The following ZDHHC13 variants were observed in gnomAD, a reference collection of about 807,000 sequenced individuals.
ZDHHC13 encodes the protein palmitoyltransferase ZDHHC13.
Under a neutral mutation model 86.0 loss-of-function variants are expected in ZDHHC13, and 85 were observed. That is an observed-to-expected ratio of 0.99 (90% CI 0.83 to 1.18). The LOEUF (loss-of-function observed/expected upper bound fraction) is 1.18, where lower values mean the gene tolerates loss of function less well. Among genes scored for constraint, ZDHHC13 ranks in the 50% most tolerant of loss-of-function variants. ZDHHC13 has a pLI of 0.00. For missense variants in ZDHHC13, 711 were observed against 730.2 expected (o/e 0.97, Z 0.30); for synonymous variants, 263 against 246.4 (o/e 1.07, Z -0.63).
At chr11:19,147,786 T>A (rs1849508053) in intron 4 of ZDHHC13, 113 bp downstream of exon 4, 9 of 644,200 alleles carry the variant, frequency 1.4e-5, no homozygotes, top group Non-Finnish European at 1.9e-5. Context: ...CCCCCCCCTT[T>A]ATTTAAAAAT....
intron 1 of ZDHHC13, among the ~76,000 whole-genome samples, chr11:19,129,376 CT>C (rs1848942027): frequency 6.6e-6 from 1 of 152,094 alleles, no homozygotes; most frequent in Non-Finnish European, 1.5e-5. Flanking sequence ...GTGATGGTAG[CT>C]GTAGATTTCT....
At chr11:19,138,452 A>G (rs1849211316) in intron 1 of ZDHHC13, among the ~76,000 whole-genome samples, 1 of 150,726 alleles carries the variant, frequency 6.6e-6, no homozygotes, top group South Asian at 2.1e-4. Context: ...GTCCAGGACC[A>G]GATGGATTCA....
intron 14 of ZDHHC13, chr11:19,168,844 A>G (rs1850142575): frequency 4.1e-6 from 4 of 985,350 alleles, no homozygotes; most frequent in Non-Finnish European, 4.8e-6. Flanking sequence ...CAAGGTGGAT[A>G]GTAAGTGACT....
intron 14 of ZDHHC13, chr11:19,170,072 A>G: frequency 9.3e-7 from 1 of 1,077,114 alleles, no homozygotes; most frequent in Non-Finnish European, 1.1e-6. Context: ...TATAAACATG[A>G]ATAAGGTAGG....
chr11:19,133,942 T>TATATATATATATATATATACAC, intron 1 of ZDHHC13, among the ~76,000 whole-genome samples: 1,955 of 95,660 alleles, frequency 0.02, 145 homozygotes, highest in Non-Finnish European at 0.033. Context: ...TATATATATA[T>TATATATATATATATATATACAC]ACACGTATGT....
rs1025009796 is a variant in ZDHHC13 at position 19,117,174 on chromosome 11, G to T, written c.-76G>T. ...GCCAGCAGGAAGTGGGAGAAGAGGCGACCCAAGGCGGGCTGGCGGGCTGGC... is the reference window on the plus strand; with the variant it reads ...GCCAGCAGGAAGTGGGAGAAGAGGCTACCCAAGGCGGGCTGGCGGGCTGGC... On this transcript the variant is annotated 5_prime_UTR_variant, in exon 1 of 17. Transcript: ENST00000446113. This position sits in a 1 kb window ranked among gnomAD's most constrained non-coding sequence, Gnocchi z 4.2. The T allele has an allele frequency of 1.3e-6, 2 of 1,499,132 alleles. No homozygotes were observed. Among genetic ancestry groups the T allele is most frequent in the South Asian group, 2.4e-5 (2 of 82,946 alleles). 92.9% of individuals were successfully genotyped at this position (1,499,132 alleles called of 1,614,324 possible).
chr11:19,126,110 T>A (rs1192034041), intron 1 of ZDHHC13, among the ~76,000 whole-genome samples: 4 of 152,128 alleles, frequency 2.6e-5, no homozygotes, highest in Non-Finnish European at 5.9e-5. Context: ...AAACTGAAAA[T>A]TTTAAAACTT....
intron 1 of ZDHHC13, among the ~76,000 whole-genome samples, chr11:19,130,858 T>G (rs1319660103): frequency 6.6e-5 from 10 of 152,010 alleles, no homozygotes; most frequent in East Asian, 3.9e-4. Flanking sequence ...TTGTTTTTTT[T>G]TTTTTGAAAG....
At chr11:19,154,422 T>C (rs919468425) in intron 8 of ZDHHC13, among the ~76,000 whole-genome samples, 4 of 152,136 alleles carry the variant, frequency 2.6e-5, no homozygotes, top group African/African-American at 9.7e-5. Flanking sequence ...ATCATGCCAA[T>C]TGGAATAGGA....
At chr11:19,135,474 C>T (rs576234557) in intron 1 of ZDHHC13, among the ~76,000 whole-genome samples, 10 of 152,362 alleles carry the variant, frequency 6.6e-5, no homozygotes, top group Middle Eastern at 3.4e-3. Flanking sequence ...GATCAAACTG[C>T]AAGGCGGCAG....
At chr11:19,171,374 C>A (rs1850216384) in intron 15 of ZDHHC13, among the ~76,000 whole-genome samples, 1 of 151,910 alleles carries the variant, frequency 6.6e-6, no homozygotes, top group Admixed American at 6.6e-5. Context: ...GAGCATTACT[C>A]AACCAAAGCA....
At chr11:19,158,619 A>G (rs554884772) in intron 9 of ZDHHC13, among the ~76,000 whole-genome samples, 1 of 152,340 alleles carries the variant, frequency 6.6e-6, no homozygotes, top group South Asian at 2.1e-4. Flanking sequence ...AAAAATATAT[A>G]TCTCATTAGA....
In ZDHHC13 at chr11:19,147,780, C is replaced by G. The variant is rs78400712; in HGVS notation, c.374+107C>G. 0.012 allele frequency: 8,819 copies of G among 753,998 alleles called. 723 individuals are homozygous for G. In the African/African-American group the frequency reaches 0.14, roughly 12 times the overall value. The allele number at this position is 753,998 out of a possible 1,614,324, so 46.7% of individuals were successfully genotyped here. A position where few individuals can be genotyped will look rare whatever the true frequency, so the allele number is the denominator to read the frequency against. On this transcript the variant is annotated intron_variant, in intron 4 of 16. Coordinates refer to ENST00000446113, the MANE Select transcript of ZDHHC13 (RefSeq NM_019028.3). ...GAAAGGCTGTCTTTTCTTCCCCCCC[C>G]CCCTTTATTTAAAAATAAATTTCAG...
chr11:19,119,960 A>G (rs79813607), intron 1 of ZDHHC13, among the ~76,000 whole-genome samples: 6,596 of 152,288 alleles, frequency 0.043, 254 homozygotes, highest in East Asian at 0.21. Context: ...TTATTCGATA[A>G]TCTGGCAGGA....
intron 1 of ZDHHC13, among the ~76,000 whole-genome samples, chr11:19,129,338 G>T (rs965513715): frequency 1.3e-5 from 2 of 152,100 alleles, no homozygotes; most frequent in African/African-American, 2.4e-5. Context: ...TCCAGTCTTG[G>T]AGTAAAAATG....
chr11:19,134,357 T>G (rs2133379606), intron 1 of ZDHHC13, among the ~76,000 whole-genome samples: 1 of 152,238 alleles, frequency 6.6e-6, no homozygotes, highest in African/African-American at 2.4e-5. Context: ...AAAAATTAGC[T>G]GGGTATACCA....
At chr11:19,121,105 A>T (rs1013716549) in intron 1 of ZDHHC13, among the ~76,000 whole-genome samples, 2 of 152,232 alleles carry the variant, frequency 1.3e-5, no homozygotes, top group African/African-American at 4.8e-5. Flanking sequence ...TTTGAGAACC[A>T]TTTATCTAGT....
chr11:19,123,413 G>A (rs1230258936), intron 1 of ZDHHC13, among the ~76,000 whole-genome samples: 1 of 152,056 alleles, frequency 6.6e-6, no homozygotes, highest in Non-Finnish European at 1.5e-5. Context: ...GATAACTTGA[G>A]GTCAGGAGTT....
intron 14 of ZDHHC13, chr11:19,166,975 T>G (rs959058360): frequency 2.6e-5 from 4 of 152,264 alleles, no homozygotes. Context: ...ACATAGGGAA[T>G]GACAGCCAGC....
Sources: gnomAD v4.1 joint callset for allele counts (sites outside exome capture counted in the v4.1 genomes callset) on GRCh38, gnomAD v4.1.1 for gene constraint, Gnocchi (gnomAD v3.1) non-coding constraint, MANE v1.5 for transcripts, NCBI Gene and HGNC (gene_info 2026-07-23, HGNC 2026-07-21) for gene names.